KCTD1: variants seen among roughly 807,000 people sequenced by gnomAD.
KCTD1 encodes potassium channel tetramerization domain containing 1, also known as BTB/POZ domain-containing protein KCTD1.
A neutral mutation model predicts 66.0 loss-of-function variants in KCTD1; 24 were observed. The ratio of observed to expected loss-of-function variants is 0.36; its 90% confidence interval spans 0.26 to 0.51. KCTD1 has a LOEUF of 0.51. KCTD1 is among the 20% of genes least tolerant of loss of function. KCTD1 has a pLI of 0.95. For missense variants in KCTD1, 943 were observed against 1,205.2 expected, an observed-to-expected ratio of 0.78 and a Z score of 3.22; for synonymous variants, 511 against 517.2, an observed-to-expected ratio of 0.99 and a Z score of 0.16.
intron 1 of KCTD1, among the ~76,000 whole-genome samples, chr18:26,574,348 C>T (rs1209444033): frequency 1.5e-4 from 23 of 152,174 alleles, no homozygotes; most frequent in Admixed American, 1.5e-3. Flanking sequence ...CCATGGGACT[C>T]GTGATGCCTT....
At chr18:26,598,595 A>G (rs1986822106) in intron 1 of KCTD1, among the ~76,000 whole-genome samples, 2 of 152,150 alleles carry the variant, frequency 1.3e-5, no homozygotes, top group South Asian at 4.1e-4. Context: ...GCAGCTTCAC[A>G]AGTTTACATT....
chr18:26,511,780 G>A (rs766145639), intron 1 of KCTD1, among the ~76,000 whole-genome samples: 3 of 152,174 alleles, frequency 2.0e-5, no homozygotes, highest in Admixed American at 6.5e-5. Context: ...CTGGAGGAGG[G>A]AGAGATTTGC....
At chr18:26,467,739 C>G (rs1295977775) in intron 3 of KCTD1, among the ~76,000 whole-genome samples, 3 of 149,928 alleles carry the variant, frequency 2.0e-5, no homozygotes, top group Admixed American at 6.6e-5. Flanking sequence ...CACTTGAACC[C>G]AGGAGGCGAA....
At position 26,548,216 on chromosome 18, in the gene KCTD1, G is replaced by C. The variant is rs970401244; in HGVS notation, c.321C>G (p.Pro107=). 40 of 1,507,098 alleles carry C rather than the reference G, an allele frequency of 2.7e-5. No homozygotes were observed. Among genetic ancestry groups the C allele is most frequent in the Non-Finnish European group, 3.4e-5 (38 of 1,131,526 alleles). The allele number at this position is 1,507,098 out of a possible 1,614,324, so 93.4% of individuals were successfully genotyped here. A position where few individuals can be genotyped will look rare whatever the true frequency, so the allele number is the denominator to read the frequency against. ...CCAGCTCCTCCCCGGCCGAGTCCTCGGGCTCCAGGGGCTCGTCCCAGTCCA... is the reference window on the plus strand; with the variant it reads ...CCAGCTCCTCCCCGGCCGAGTCCTCCGGCTCCAGGGGCTCGTCCCAGTCCA... ...MGLDWDEPLE[P]EDSAGEELEP... The change falls in exon 1 of 5, where the codon CCC becomes CCG. Residue 107 remains proline, a synonymous_variant. Transcript: ENST00000580059.
chr18:26,468,125 T>C lies in KCTD1; in HGVS notation c.2134-8200A>G, dbSNP rs147895900. 3.0e-4 allele frequency among the ~76,000 whole-genome samples: 46 copies of C among 152,312 alleles called. No homozygotes were observed. Among genetic ancestry groups the C allele is most frequent in the Admixed American group, 2.0e-3 (31 of 15,306 alleles). ...GCAACCACGTGTGTGTGTGTGCCTA[T>C]GCATGCGTACACGCTCATGTGCAGG... is the stretch of plus-strand genomic sequence containing the variant. On this transcript the variant is annotated intron_variant, in intron 3 of 4. Transcript: ENST00000580059. The surrounding 1 kb of genome is among the most constrained non-coding windows in gnomAD (Gnocchi z 4.8).
At position 26,485,107 on chromosome 18, in the gene KCTD1, C is replaced by T. The variant is rs149388554; in HGVS notation, c.1989-8448G>A. 1.2e-4 allele frequency among the ~76,000 whole-genome samples: 19 copies of T among 152,310 alleles called. No homozygotes were observed. In the East Asian group the frequency reaches 2.3e-3, roughly 19 times the overall value. Reference sequence around the variant, plus strand: ...TGAAACTTGCCTTGAGTTTTGATTTCTTCACCTGAGCAATGGGATAATACC... The same window carrying T: ...TGAAACTTGCCTTGAGTTTTGATTTTTTCACCTGAGCAATGGGATAATACC... On this transcript the variant is annotated intron_variant, in intron 2 of 4. Transcript: ENST00000580059.
intron 1 of KCTD1, among the ~76,000 whole-genome samples, chr18:26,501,843 T>C (rs1448701965): frequency 6.6e-6 from 1 of 152,204 alleles, no homozygotes; most frequent in Non-Finnish European, 1.5e-5. Context: ...CAACAGAATA[T>C]ACCCTCAAAT....
chr18:26,555,369 G>A (rs376542701), intron 1 of KCTD1, among the ~76,000 whole-genome samples: 78 of 152,302 alleles, frequency 5.1e-4, no homozygotes, highest in African/African-American at 1.7e-3. Context: ...AGGTTGCAAT[G>A]AGCCGAGATT....
chr18:26,643,834 T>C (rs185403117), upstream of KCTD1, among the ~76,000 whole-genome samples: 1,071 of 152,114 alleles, frequency 7.0e-3, 12 homozygotes, highest in African/African-American at 0.021. Flanking sequence ...TGGTGGCGGG[T>C]GCCTGTAGTC....
intron 1 of KCTD1, among the ~76,000 whole-genome samples, chr18:26,639,666 C>T (rs4800750): frequency 0.11 from 16,147 of 152,120 alleles, 1,226 homozygotes; most frequent in East Asian, 0.28. Flanking sequence ...GTGTAATGGG[C>T]GCTGATTATG....
chr18:26,559,399 A>C (rs1985791393), intron 1 of KCTD1, among the ~76,000 whole-genome samples: 1 of 152,228 alleles, frequency 6.6e-6, no homozygotes, highest in Admixed American at 6.5e-5. Flanking sequence ...CCCACAAAAA[A>C]GAAAACAAGA....
chr18:26,550,565 G>GACACACAGAC (rs372123383), upstream of KCTD1, among the ~76,000 whole-genome samples: 63 of 140,582 alleles, frequency 4.5e-4, no homozygotes, highest in African/African-American at 1.5e-3. The surrounding 1 kb of genome is among the most constrained non-coding windows in gnomAD (Gnocchi z 5.4). Context: ...AAGACACACA[G>GACACACAGAC]ACACACACAC....
intron 1 of KCTD1, among the ~76,000 whole-genome samples, chr18:26,572,830 G>A (rs1213653724): frequency 6.6e-6 from 1 of 152,152 alleles, no homozygotes; most frequent in Non-Finnish European, 1.5e-5. Context: ...ATAGTTGCAG[G>A]TCAAACTAGT....
intron 1 of KCTD1, among the ~76,000 whole-genome samples, chr18:26,583,734 T>A (rs1166948774): frequency 6.6e-6 from 1 of 152,248 alleles, no homozygotes; most frequent in Non-Finnish European, 1.5e-5. Context: ...GCTATCGTTT[T>A]GATGACATAT....
intron 1 of KCTD1, among the ~76,000 whole-genome samples, chr18:26,560,243 A>G (rs1028558968): frequency 2.0e-5 from 3 of 152,124 alleles, no homozygotes; most frequent in African/African-American, 7.2e-5. Context: ...GTGTATGACA[A>G]ACATTCTCAC....
At chr18:26,605,447 T>A (rs1467738505) in intron 1 of KCTD1, among the ~76,000 whole-genome samples, 1 of 152,180 alleles carries the variant, frequency 6.6e-6, no homozygotes, top group Non-Finnish European at 1.5e-5. Context: ...TGTGTTTTTT[T>A]AAAATTCCAA....
chr18:26,632,285 A>T (rs1568015547), upstream of KCTD1, among the ~76,000 whole-genome samples: 1 of 151,560 alleles, frequency 6.6e-6, no homozygotes, highest in Non-Finnish European at 1.5e-5. Context: ...ACTCGGGAGG[A>T]TGAGGCAGGA....
At chr18:26,458,958 T>C (rs1193873653) in intron 4 of KCTD1, 1 of 152,224 alleles carries the variant, frequency 6.6e-6, no homozygotes, top group Non-Finnish European at 1.5e-5. Context: ...TGGATTTCCA[T>C]TTGGCTCACA....
intron 1 of KCTD1, among the ~76,000 whole-genome samples, chr18:26,619,674 G>A (rs1241227156): frequency 1.3e-5 from 2 of 152,214 alleles, no homozygotes; most frequent in Admixed American, 1.3e-4. Flanking sequence ...GGGACCTGAG[G>A]AGACATCTGC....
Sources: allele counts gnomAD v4.1 joint callset (sites outside exome capture counted in the v4.1 genomes callset), GRCh38; gene constraint gnomAD v4.1.1; non-coding constraint Gnocchi (gnomAD v3.1); transcripts MANE v1.5; gene names NCBI Gene and HGNC (gene_info 2026-07-23, HGNC 2026-07-21).